Variants in AFF2 observed in about 807,000 individuals in gnomAD.
AFF2 encodes the protein AF4/FMR2 family member 2.
Under a neutral mutation model 76.9 loss-of-function variants are expected in AFF2, and 14 were observed. That is an observed-to-expected ratio of 0.18 (90% CI 0.12 to 0.28). The LOEUF (loss-of-function observed/expected upper bound fraction) is 0.28, where lower values mean the gene tolerates loss of function less well. AFF2 is among the 10% of genes least tolerant of loss of function. The probability of loss-of-function intolerance (pLI) is 1.00; values close to 1 mark genes in which losing one functional copy is unlikely to be tolerated. For missense variants in AFF2, 868 were observed against 1,001.1 expected, an observed-to-expected ratio of 0.87 and a Z score of 1.79; for synonymous variants, 398 against 366.7, an observed-to-expected ratio of 1.09 and a Z score of -0.98.
chrX:148,510,122 A>T (rs1388010529), intron 1 of AFF2, among the ~76,000 whole-genome samples: 3 of 111,931 alleles, frequency 2.7e-5, no homozygotes, highest in African/African-American at 9.8e-5. Context: ...TTGTGTTCCC[A>T]GTCCCTGGCC....
chrX:148,837,856 C>A, intron 5 of AFF2, 123 bp downstream of exon 5: 1 of 463,476 alleles, frequency 2.2e-6, no homozygotes. Context: ...GACTCTCTTG[C>A]CCCTCAGAAT....
intron 7 of AFF2, among the ~76,000 whole-genome samples, chrX:148,885,422 T>C (rs1332154873): frequency 9.0e-6 from 1 of 111,287 alleles, no homozygotes; most frequent in Admixed American, 9.5e-5. Context: ...GCAGTGCAGG[T>C]TCACTGTGCC....
chrX:148,804,764 G>C (rs1280587120), intron 3 of AFF2, among the ~76,000 whole-genome samples: 1 of 112,216 alleles, frequency 8.9e-6, no homozygotes, highest in East Asian at 2.8e-4. Context: ...GAGGACTTCT[G>C]TCTACAGCTT....
At chrX:148,883,103 G>A (rs1459638631) in intron 7 of AFF2, among the ~76,000 whole-genome samples, 1 of 111,226 alleles carries the variant, frequency 9.0e-6, no homozygotes, top group Non-Finnish European at 1.9e-5. Context: ...GTTGATTGGA[G>A]AGTAAAATAA....
At position 148,801,418 on chromosome X, in the gene AFF2, C is replaced by G. The variant is rs782497799; in HGVS notation, c.1042-8458C>G. ...CTTCCAATTTCCAGTAACCACACCC[C>G]ACTCTCAGCTGATGATCTTGCCGCA... is the stretch of plus-strand genomic sequence containing the variant. On this transcript the variant is annotated intron_variant, in intron 3 of 20. Coordinates refer to ENST00000370460, the MANE Select transcript of AFF2 (RefSeq NM_002025.4). Among the ~76,000 whole-genome samples the G allele has an allele frequency of 8.0e-5, 9 of 111,856 alleles. No homozygotes were observed. The South Asian group carries it at 3.0e-3, about 38-fold the overall frequency.
intron 1 of AFF2, among the ~76,000 whole-genome samples, chrX:148,536,210 CAAA>C (rs781936872): frequency 1.1e-5 from 1 of 88,591 alleles, no homozygotes; most frequent in South Asian, 5.1e-4. Flanking sequence ...GACTCTGTCT[CAAA>C]AAAAAAAAAA....
chrX:148,983,772 C>G (rs1398718204), intron 19 of AFF2, among the ~76,000 whole-genome samples: 1 of 108,566 alleles, frequency 9.2e-6, no homozygotes, highest in African/African-American at 3.3e-5. Context: ...CTTTTGTAGA[C>G]ATATCCCCTA....
intron 3 of AFF2, among the ~76,000 whole-genome samples, chrX:148,747,841 C>T (rs931072155): frequency 2.7e-5 from 3 of 111,277 alleles, no homozygotes; most frequent in Non-Finnish European, 5.6e-5. Flanking sequence ...CTGGTTCCCT[C>T]ATAATTTACT....
At chrX:148,687,686 T>C (rs1303469420) in intron 3 of AFF2, among the ~76,000 whole-genome samples, 2 of 110,617 alleles carry the variant, frequency 1.8e-5, no homozygotes, top group African/African-American at 6.6e-5. Flanking sequence ...GTGGATTTTT[T>C]TTTGGTATGT....
At chrX:148,774,523 A>G (rs1557268383) in intron 3 of AFF2, among the ~76,000 whole-genome samples, 4 of 110,966 alleles carry the variant, frequency 3.6e-5, no homozygotes, top group African/African-American at 1.3e-4. Context: ...TGCTGAATTC[A>G]TATTCTACAT....
At chrX:148,803,978 T>C (rs916564473) in intron 3 of AFF2, among the ~76,000 whole-genome samples, 23 of 111,369 alleles carry the variant, frequency 2.1e-4, no homozygotes, top group African/African-American at 7.5e-4. Context: ...TGAATAGGAT[T>C]CAGTAATTAG....
At chrX:148,785,944 T>C (rs1438642642) in intron 3 of AFF2, among the ~76,000 whole-genome samples, 2 of 111,607 alleles carry the variant, frequency 1.8e-5, no homozygotes, top group African/African-American at 6.5e-5. Context: ...AGGAACAGAA[T>C]TGACTCACTT....
At chrX:148,549,167 G>A (rs1253135152) in intron 1 of AFF2, among the ~76,000 whole-genome samples, 2 of 111,707 alleles carry the variant, frequency 1.8e-5, no homozygotes, top group South Asian at 3.7e-4. Flanking sequence ...AACTATTTCC[G>A]CATCCCATTC....
chrX:148,617,068 T>C (rs1258322520), intron 1 of AFF2, among the ~76,000 whole-genome samples: 2 of 111,934 alleles, frequency 1.8e-5, no homozygotes, highest in Non-Finnish European at 3.8e-5. Flanking sequence ...GCATGATTTA[T>C]AGTCCTTTGG....
At chrX:148,731,136 G>A (rs191847680) in intron 3 of AFF2, among the ~76,000 whole-genome samples, 1 of 111,906 alleles carries the variant, frequency 8.9e-6, no homozygotes, top group Non-Finnish European at 1.9e-5. Flanking sequence ...GCCTAGCCAA[G>A]TGTCTTAGAC....
At chrX:148,919,539 A>G (rs1412369745) in intron 9 of AFF2, among the ~76,000 whole-genome samples, 1 of 109,784 alleles carries the variant, frequency 9.1e-6, no homozygotes, top group Non-Finnish European at 1.9e-5. Context: ...AAATTTTTAC[A>G]TATATATATA....
At chrX:148,857,207 G>A (rs1317547374) in intron 7 of AFF2, among the ~76,000 whole-genome samples, 1 of 111,869 alleles carries the variant, frequency 8.9e-6, no homozygotes, top group Non-Finnish European at 1.9e-5. Flanking sequence ...AGTGAACTAT[G>A]AAAAATAATT....
In AFF2 at chrX:148,505,303, G is replaced by A. The variant is rs2052399066; in HGVS notation, c.47+4159G>A. On this transcript the variant is annotated intron_variant, in intron 1 of 20. Coordinates refer to ENST00000370460, the MANE Select transcript of AFF2 (RefSeq NM_002025.4). ...AAGCTATCTCAGTACATCTTAAGAG[G>A]CACATCTATTGGACACGGAAGAAAA... Among the ~76,000 whole-genome samples the A allele has an allele frequency of 2.7e-5, 3 of 111,993 alleles. No individual in the cohort carries two copies. In the South Asian group the frequency reaches 1.1e-3, roughly 42 times the overall value.
At chrX:148,519,995 A>C (rs963057925) in intron 1 of AFF2, among the ~76,000 whole-genome samples, 1 of 112,556 alleles carries the variant, frequency 8.9e-6, no homozygotes, top group African/African-American at 3.2e-5. Context: ...AAAAGTATAT[A>C]AATCTAGTTT....
Sources: allele counts gnomAD v4.1 joint callset (sites outside exome capture counted in the v4.1 genomes callset), GRCh38; gene constraint gnomAD v4.1.1; transcripts MANE v1.5; gene names NCBI Gene and HGNC (gene_info 2026-07-23, HGNC 2026-07-21).